Variants in GRAP2 observed in about 807,000 individuals in gnomAD.
The protein encoded by GRAP2 is GRB2 related adaptor protein 2, also known as GRB2-related adapter protein 2.
GRAP2 carries 31 observed loss-of-function variants against 43.5 expected under a neutral mutation model. The ratio of observed to expected loss-of-function variants is 0.71; its 90% confidence interval spans 0.54 to 0.96. GRAP2 has a LOEUF of 0.96. Among genes scored for constraint, GRAP2 ranks in the 40% least tolerant of loss-of-function variants. The pLI is 0.00. For missense variants in GRAP2, 371 were observed against 424.4 expected (o/e 0.87, Z 1.11); for synonymous variants, 156 against 164.8 (o/e 0.95, Z 0.41).
At chr22:39,912,282 T>C (rs2066572530) in intron 1 of GRAP2, among the ~76,000 whole-genome samples, 1 of 152,148 alleles carries the variant, frequency 6.6e-6, no homozygotes, top group Non-Finnish European at 1.5e-5. Flanking sequence ...TAGCCAGGGA[T>C]GGTGATGCAT....
At chr22:39,965,699 A>G (rs1469912610) in intron 4 of GRAP2, among the ~76,000 whole-genome samples, 1 of 152,242 alleles carries the variant, frequency 6.6e-6, no homozygotes, top group Admixed American at 6.5e-5. Flanking sequence ...GTCACTTGGA[A>G]CATGCTTTTC....
the GRAP2 span, among the ~76,000 whole-genome samples, chr22:39,895,270 T>A: frequency 6.6e-6 from 1 of 152,158 alleles, no homozygotes; most frequent in Non-Finnish European, 1.5e-5. Context: ...AAAGCAACAT[T>A]TGTTTCTATC....
intron 6 of GRAP2, among the ~76,000 whole-genome samples, chr22:39,968,910 A>G (rs1165291553): frequency 5.9e-5 from 9 of 152,112 alleles, no homozygotes; most frequent in Non-Finnish European, 1.2e-4. Flanking sequence ...GTTTCCTCTC[A>G]TGCCTTTGTG....
At chr22:39,943,877 GC>G (rs1343390976) in intron 1 of GRAP2, among the ~76,000 whole-genome samples, 1 of 151,896 alleles carries the variant, frequency 6.6e-6, no homozygotes, top group Non-Finnish European at 1.5e-5. Flanking sequence ...ACACCACCAT[GC>G]CCAGCTAATT....
At chr22:39,940,957 G>C (rs1187920887) in intron 1 of GRAP2, among the ~76,000 whole-genome samples, 1 of 152,082 alleles carries the variant, frequency 6.6e-6, no homozygotes, top group African/African-American at 2.4e-5. Context: ...GATGGTTTGG[G>C]GTGCACCATT....
chr22:39,943,013 C>T (rs2066886323), intron 1 of GRAP2, among the ~76,000 whole-genome samples: 1 of 152,158 alleles, frequency 6.6e-6, no homozygotes, highest in African/African-American at 2.4e-5. Flanking sequence ...TCACTGGGTC[C>T]TGAGCCTGAA....
intron 1 of GRAP2, 59 bp from the exon 2 acceptor site, chr22:39,947,034 C>A: frequency 1.1e-6 from 1 of 950,940 alleles, no homozygotes; most frequent in South Asian, 1.3e-5. Flanking sequence ...GAAGCACCAT[C>A]GGCTCTGCTG....
intron 1 of GRAP2, among the ~76,000 whole-genome samples, chr22:39,910,178 G>T (rs778242292): frequency 6.6e-6 from 1 of 152,114 alleles, no homozygotes. Context: ...CCTAAGTCAC[G>T]GGACTCAGAA....
chr22:39,908,862 G>A (rs1450657337), intron 1 of GRAP2, among the ~76,000 whole-genome samples: 1 of 152,106 alleles, frequency 6.6e-6, no homozygotes, highest in Non-Finnish European at 1.5e-5. Flanking sequence ...TCATCTGCTC[G>A]GTACCGTGTC....
At chr22:39,911,324 A>C (rs1337854817) in intron 1 of GRAP2, among the ~76,000 whole-genome samples, 1 of 152,064 alleles carries the variant, frequency 6.6e-6, no homozygotes, top group East Asian at 1.9e-4. Context: ...TTGTAATGTG[A>C]GCAAGTGCCA....
At chr22:39,970,684 G>T (rs2067231065) in intron 7 of GRAP2, among the ~76,000 whole-genome samples, 1 of 152,166 alleles carries the variant, frequency 6.6e-6, no homozygotes, top group African/African-American at 2.4e-5. Flanking sequence ...TACTTGGGAG[G>T]CCAAGGCAGG....
intron 1 of GRAP2, 40 bp from the exon 2 acceptor site, chr22:39,947,053 C>T: frequency 8.6e-7 from 1 of 1,165,292 alleles, no homozygotes. Flanking sequence ...TGCCCTCCCC[C>T]TGGCAGAGAG....
intron 4 of GRAP2, among the ~76,000 whole-genome samples, chr22:39,962,508 A>G (rs1034713182): frequency 1.3e-5 from 2 of 152,166 alleles, no homozygotes; most frequent in African/African-American, 2.4e-5. Flanking sequence ...GCGTGTATAT[A>G]TATTACAAGT....
intron 1 of GRAP2, among the ~76,000 whole-genome samples, chr22:39,904,366 C>T (rs2066510580): frequency 1.3e-5 from 2 of 151,658 alleles, no homozygotes; most frequent in Admixed American, 6.6e-5. Flanking sequence ...CCAGCCTGGT[C>T]GACAGAGCAA....
At chr22:39,951,648 C>T (rs762814890) in intron 2 of GRAP2, among the ~76,000 whole-genome samples, 10 of 152,048 alleles carry the variant, frequency 6.6e-5, no homozygotes, top group East Asian at 1.9e-4. Flanking sequence ...TCAGGCTGAA[C>T]GCCTTGCTCA....
chr22:39,911,811 C>A (rs760934766), intron 1 of GRAP2, among the ~76,000 whole-genome samples: 7 of 152,188 alleles, frequency 4.6e-5, no homozygotes, highest in Non-Finnish European at 8.8e-5. Context: ...CTAGGACCAG[C>A]AGCAACGGCA....
intron 1 of GRAP2, among the ~76,000 whole-genome samples, chr22:39,913,499 C>T (rs2066581923): frequency 6.6e-6 from 1 of 152,154 alleles, no homozygotes; most frequent in Admixed American, 6.5e-5. Flanking sequence ...GCAGGCATGA[C>T]CGATGCTGAG....
upstream of GRAP2, among the ~76,000 whole-genome samples, chr22:39,897,414 T>TTA (rs1474462820): frequency 1.3e-5 from 2 of 152,176 alleles, no homozygotes; most frequent in Non-Finnish European, 2.9e-5. Context: ...TTTCTAGACT[T>TTA]TATGATCACC....
chr22:39,959,393 G>T (rs1421757653), intron 3 of GRAP2, among the ~76,000 whole-genome samples: 1 of 152,222 alleles, frequency 6.6e-6, no homozygotes, highest in Non-Finnish European at 1.5e-5. Flanking sequence ...CCCAGGATCT[G>T]GTTGTATAGA....
Sources: gnomAD v4.1 joint callset for allele counts (sites outside exome capture counted in the v4.1 genomes callset) on GRCh38, gnomAD v4.1.1 for gene constraint, MANE v1.5 for transcripts, NCBI Gene and HGNC (gene_info 2026-07-23, HGNC 2026-07-21) for gene names.